DMD: variants seen among roughly 807,000 people sequenced by gnomAD.
DMD encodes the protein mutant dystrophin.
A neutral mutation model predicts 330.1 loss-of-function variants in DMD; 63 were observed. The observed-to-expected ratio is 0.19, with a 90% CI of 0.16 to 0.24. DMD has a LOEUF of 0.24. Among genes scored for constraint, DMD ranks in the 10% least tolerant of loss-of-function variants. The pLI, the probability that DMD is intolerant of heterozygous loss-of-function variation, is 1.00. For missense variants in DMD, 3,344 were observed against 2,684.1 expected, an observed-to-expected ratio of 1.25 and a Z score of -5.43; for synonymous variants, 1,223 against 959.8, an observed-to-expected ratio of 1.27 and a Z score of -5.07.
intron 55 of DMD, among the ~76,000 whole-genome samples, chrX:31,621,078 A>G (rs1419024874): frequency 8.9e-6 from 1 of 111,905 alleles, no homozygotes; most frequent in East Asian, 2.8e-4. Context: ...CAGATACCTC[A>G]AAATCAAACA....
chrX:31,286,170 A>G (rs1224568655), intron 62 of DMD, among the ~76,000 whole-genome samples: 1 of 112,302 alleles, frequency 8.9e-6, no homozygotes, highest in Non-Finnish European at 1.9e-5. Context: ...CTACCAAGTA[A>G]TGGAGGTTGT....
chrX:31,704,526 C>A (rs985877598), intron 52 of DMD, among the ~76,000 whole-genome samples: 5 of 111,767 alleles, frequency 4.5e-5, no homozygotes, highest in African/African-American at 1.6e-4. Context: ...TTGTAAACTG[C>A]AAAACTGTCA....
chrX:32,483,822 A>AAAAG (rs2042160571), intron 21 of DMD, among the ~76,000 whole-genome samples: 1 of 102,196 alleles, frequency 9.8e-6, no homozygotes, highest in African/African-American at 3.6e-5. Context: ...CTGAAGTACA[A>AAAAG]AAAAAAAAAA....
At chrX:32,622,096 G>A (rs139212479) in intron 11 of DMD, among the ~76,000 whole-genome samples, 184 of 111,269 alleles carry the variant, frequency 1.7e-3, no homozygotes, top group African/African-American at 6.0e-3. Context: ...CCAATCCCCA[G>A]GAGATTACTA....
intron 13 of DMD, among the ~76,000 whole-genome samples, chrX:32,574,702 T>C (rs1346368466): frequency 9.0e-6 from 1 of 111,503 alleles, no homozygotes; most frequent in Non-Finnish European, 1.9e-5. Flanking sequence ...CATAAAATAT[T>C]GACGTGCTTT....
In DMD at chrX:31,877,667, T is replaced by TTGTGTGTGTG. The variant is rs10670657; in HGVS notation, c.6913-2304_6913-2295dup. ...TAACTACACCTGTGGTGCTGAACTCTTGTGTGTGTGTGTGTGTGTGTGTGT... is the reference window on the plus strand; with the variant it reads ...TAACTACACCTGTGGTGCTGAACTCTTGTGTGTGTGTGTGTGTGTGTGTGTGTGTGTGTGT... On this transcript the variant is annotated intron_variant, in intron 47 of 78. Transcript: ENST00000357033. Among the ~76,000 whole-genome samples, 690 of 102,351 alleles carry TTGTGTGTGTG rather than the reference T, an allele frequency of 6.7e-3. 8 individuals are homozygous for TTGTGTGTGTG. Among genetic ancestry groups the TTGTGTGTGTG allele is most frequent in the African/African-American group, 0.022 (630 of 28,098 alleles). 88.9% of individuals were successfully genotyped at this position (102,351 alleles called of 115,157 possible). A position where few individuals can be genotyped will look rare whatever the true frequency, so the allele number is the denominator to read the frequency against.
At chrX:32,053,171 A>C (rs2096130837) in intron 44 of DMD, among the ~76,000 whole-genome samples, 3 of 111,738 alleles carry the variant, frequency 2.7e-5, no homozygotes. Context: ...CATGGATCTT[A>C]GAATGGGACA....
chrX:32,785,552 A>G lies in DMD; in HGVS notation c.649+23941T>C, dbSNP rs550331275. ...ATTTCTATTATAATGATTTTGCTTA[A>G]AATGTACATTTCTGTTTATGATGAA... On this transcript the variant is annotated intron_variant, in intron 7 of 78. Transcript: ENST00000357033. Among the ~76,000 whole-genome samples the G allele has an allele frequency of 5.1e-4, 57 of 111,546 alleles. 1 individual carries two copies. In the South Asian group the frequency reaches 0.02, roughly 40 times the overall value.
At chrX:32,697,719 C>G (rs1424555238) in intron 9 of DMD, 151 bp downstream of exon 9, 1 of 704,761 alleles carries the variant, frequency 1.4e-6, no homozygotes, top group Admixed American at 2.8e-5. Context: ...AAAGCAGAAT[C>G]ACATGAGGGA....
intron 2 of DMD, among the ~76,000 whole-genome samples, chrX:32,959,241 T>C (rs1010885917): frequency 7.2e-5 from 8 of 111,534 alleles, no homozygotes; most frequent in Non-Finnish European, 1.5e-4. Flanking sequence ...ACAAAGAAGG[T>C]AAATAATTTG....
chrX:31,960,669 A>G (rs759021610), intron 45 of DMD, among the ~76,000 whole-genome samples: 2 of 112,015 alleles, frequency 1.8e-5, no homozygotes, highest in South Asian at 7.5e-4. Flanking sequence ...GTATATCTCC[A>G]CACAGTGGTA....
At chrX:32,433,879 C>A (rs772294836) in intron 29 of DMD, among the ~76,000 whole-genome samples, 137 of 111,680 alleles carry the variant, frequency 1.2e-3, no homozygotes, top group Non-Finnish European at 2.0e-3. Context: ...AAAGCTATTA[C>A]AATAGTTGTA....
chrX:32,244,091 G>A (rs1272376971), intron 43 of DMD, among the ~76,000 whole-genome samples: 1 of 87,870 alleles, frequency 1.1e-5, no homozygotes. Context: ...ATCTCCCAAT[G>A]CTATCCCTCC....
intron 1 of DMD, among the ~76,000 whole-genome samples, chrX:33,327,603 GA>G (rs769974408): frequency 9.1e-6 from 1 of 110,193 alleles, no homozygotes; most frequent in Non-Finnish European, 1.9e-5. Flanking sequence ...TACCGTTTTG[GA>G]AAAAAAAGAT....
At chrX:32,808,565 C>T (rs1333629259) in intron 7 of DMD, among the ~76,000 whole-genome samples, 1 of 109,367 alleles carries the variant, frequency 9.1e-6, no homozygotes. Context: ...TGGCAAAAGG[C>T]TGTCTTCTGG....
chrX:32,505,877 C>A lies in DMD; in HGVS notation c.2293-4035G>T, dbSNP rs754413635. ...CATGGAAGAACTTAAATGCATGTTACTAAGTTAAAGAAGATAATCTGAAAA... is the reference window on the plus strand; with the variant it reads ...CATGGAAGAACTTAAATGCATGTTAATAAGTTAAAGAAGATAATCTGAAAA... On this transcript the variant is annotated intron_variant, in intron 18 of 78. Transcript: ENST00000357033. Among the ~76,000 whole-genome samples, 4 of 111,889 alleles carry A rather than the reference C, an allele frequency of 3.6e-5. No individual in the cohort carries two copies. The South Asian group carries it at 1.5e-3, about 42-fold the overall frequency.
intron 50 of DMD, among the ~76,000 whole-genome samples, chrX:31,794,638 C>G (rs1180986361): frequency 9.0e-6 from 1 of 110,713 alleles, no homozygotes; most frequent in Non-Finnish European, 1.9e-5. Flanking sequence ...CTGCAGAAAC[C>G]AAGAATACAC....
At chrX:31,762,558 C>T (rs1899840359) in intron 51 of DMD, among the ~76,000 whole-genome samples, 1 of 111,143 alleles carries the variant, frequency 9.0e-6, no homozygotes, top group Admixed American at 9.6e-5. Context: ...ACAGAGACTC[C>T]ATCTCAAAAC....
intron 52 of DMD, among the ~76,000 whole-genome samples, chrX:31,728,191 T>A (rs748397032): frequency 1.8e-5 from 2 of 110,875 alleles, no homozygotes; most frequent in South Asian, 7.6e-4. Context: ...CCCGGCTAAT[T>A]TTTTTTTGTA....
Sources: allele counts gnomAD v4.1 joint callset (sites outside exome capture counted in the v4.1 genomes callset), GRCh38; gene constraint gnomAD v4.1.1; transcripts MANE v1.5; gene names NCBI Gene and HGNC (gene_info 2026-07-23, HGNC 2026-07-21).